TXNL1: variants seen among roughly 807,000 people sequenced by gnomAD.
TXNL1 encodes the protein thioredoxin like 1, also known as thioredoxin-like protein 1.
In TXNL1, 14 loss-of-function variants were observed where a neutral mutation model predicts 35.5. The ratio of observed to expected loss-of-function variants is 0.39; its 90% CI spans 0.26 to 0.62. The LOEUF (loss-of-function observed/expected upper bound fraction) is 0.62, where lower values mean the gene tolerates loss of function less well. Ranked by LOEUF, TXNL1 falls within the 20% of genes least tolerant of loss-of-function variation. The pLI is 0.47. For missense variants in TXNL1, 263 were observed against 349.7 expected (o/e 0.75, Z 1.98); for synonymous variants, 110 against 115.5 (o/e 0.95, Z 0.31).
intron 7 of TXNL1, among the ~76,000 whole-genome samples, chr18:56,605,519 T>C (rs1361238551): frequency 3.6e-5 from 3 of 84,408 alleles, no homozygotes; most frequent in Non-Finnish European, 1.1e-4. Context: ...GAAGCCCCTA[T>C]AATTTTCTCA....
chr18:56,620,809 G>A (rs2144311474), intron 3 of TXNL1, among the ~76,000 whole-genome samples: 1 of 152,206 alleles, frequency 6.6e-6, no homozygotes, highest in Admixed American at 6.5e-5. Context: ...ATATGAAAAT[G>A]GTAATAATCA....
At chr18:56,627,868 A>G (rs563913147) in intron 1 of TXNL1, among the ~76,000 whole-genome samples, 10 of 152,254 alleles carry the variant, frequency 6.6e-5, no homozygotes, top group African/African-American at 2.2e-4. Flanking sequence ...AAAAAAAAAA[A>G]AAGGTTTGAC....
chr18:56,635,752 A>G (rs996670351), intron 1 of TXNL1, among the ~76,000 whole-genome samples: 2 of 152,192 alleles, frequency 1.3e-5, no homozygotes, highest in Non-Finnish European at 2.9e-5. Context: ...GTGACTGTAT[A>G]GTCATGTCTG....
At position 56,601,601 on chromosome 18, in the gene TXNL1, T is replaced by C. The variant is rs1183211569; in HGVS notation, c.*1426A>G. 1 of 152,196 alleles carries C rather than the reference T, an allele frequency of 6.6e-6. No homozygotes were observed. The highest frequency in any genetic ancestry group is 6.5e-5 in the Admixed American group (1 of 15,284). 9.4% of individuals were successfully genotyped at this position (152,196 alleles called of 1,614,324 possible). On this transcript the variant is annotated 3_prime_UTR_variant, in exon 8 of 8. Transcript: ENST00000217515. ...TATACAAATGAACTAAACTATCTAA[T>C]GACACTTGGGTTTCAGAAAGGGACT...
intron 3 of TXNL1, among the ~76,000 whole-genome samples, chr18:56,624,052 A>G (rs184682318): frequency 9.8e-5 from 15 of 152,318 alleles, no homozygotes; most frequent in African/African-American, 3.6e-4. Flanking sequence ...AAAAAGTGGC[A>G]AAGAAAATTA....
At chr18:56,621,251 C>A (rs1475639701) in intron 3 of TXNL1, among the ~76,000 whole-genome samples, 1 of 146,576 alleles carries the variant, frequency 6.8e-6, no homozygotes, top group Non-Finnish European at 1.5e-5. Flanking sequence ...GTTGCCCAGG[C>A]TGGAGTTGCA....
chr18:56,616,435 AC>A, intron 4 of TXNL1, 121 bp from the exon 5 acceptor site: 1 of 806,988 alleles, frequency 1.2e-6, no homozygotes, highest in Non-Finnish European at 1.9e-6. Flanking sequence ...ATCGAACAAA[AC>A]CAACGTAATA....
intron 3 of TXNL1, among the ~76,000 whole-genome samples, chr18:56,621,281 ATGCAACCTCCGCCTCC>A (rs2024179117): frequency 1.3e-5 from 2 of 150,590 alleles, no homozygotes; most frequent in Non-Finnish European, 2.9e-5. Context: ...TCTTGGCTCA[ATGCAACCTCCGCCTCC>A]TGCAATTCTG....
At position 56,618,045 on chromosome 18, in the gene TXNL1, G is replaced by C. The variant is rs1341462092; in HGVS notation, c.451C>G (p.Arg151Gly). The change falls in exon 4 of 8, where the codon CGA (arginine) becomes GGA (glycine). Residue 151 changes from arginine to glycine, a missense_variant. Transcript: ENST00000217515. ...GATTCCAAGAAGGTTGTGTCTTTTC[G>C]TAAACAGTTGTCAAATCCATGCTCA... is the stretch of plus-strand genomic sequence containing the variant. ...SDEHGFDNCL[R>G]KDTTFLESDC... 1 of 1,613,640 alleles carries C rather than the reference G, an allele frequency of 6.2e-7. No homozygotes were observed. Among genetic ancestry groups the C allele is most frequent in the Non-Finnish European group, 8.5e-7 (1 of 1,179,876 alleles).
intron 7 of TXNL1, 92 bp from the exon 8 acceptor site, chr18:56,603,148 T>C: frequency 5.1e-6 from 6 of 1,175,880 alleles, no homozygotes; most frequent in Non-Finnish European, 7.3e-6. Flanking sequence ...AACCTTGGTA[T>C]TAATTTTTAT....
chr18:56,617,544 T>C (rs751285049), intron 4 of TXNL1, among the ~76,000 whole-genome samples: 8 of 152,094 alleles, frequency 5.3e-5, no homozygotes, highest in Non-Finnish European at 8.8e-5. Flanking sequence ...TTGATCAAGG[T>C]GGTAACACCC....
At chr18:56,626,117 A>T in intron 2 of TXNL1, 1 of 1,102,608 alleles carries the variant, frequency 9.1e-7, no homozygotes, top group Non-Finnish European at 1.1e-6. Flanking sequence ...GTGACCTATT[A>T]ACAACATCGT....
intron 1 of TXNL1, among the ~76,000 whole-genome samples, chr18:56,637,181 T>C (rs1354073692): frequency 6.6e-6 from 1 of 152,174 alleles, no homozygotes; most frequent in African/African-American, 2.4e-5. Context: ...CTGCATCCAT[T>C]CCCTAAAACG....
chr18:56,618,144 G>C lies in TXNL1; in HGVS notation c.370-18C>G. On this transcript the variant is annotated intron_variant, in intron 3 of 7. Coordinates refer to ENST00000217515, the MANE Select transcript of TXNL1 (RefSeq NM_004786.3). ...AAATCCATCTGAAAAAAAATTGCAA[G>C]ATTTTAGGCAACATATTTGGATTAG... 1 of 1,609,406 alleles carries C rather than the reference G, an allele frequency of 6.2e-7. No homozygotes were observed. The highest frequency in any genetic ancestry group is 1.1e-5 in the South Asian group (1 of 90,636).
intron 1 of TXNL1, among the ~76,000 whole-genome samples, chr18:56,636,456 G>C (rs2024456488): frequency 1.3e-5 from 2 of 152,040 alleles, no homozygotes; most frequent in South Asian, 4.1e-4. Flanking sequence ...CAATAAGTTC[G>C]AGGAATATTA....
At chr18:56,631,259 T>A (rs1168264550) in intron 1 of TXNL1, among the ~76,000 whole-genome samples, 1 of 152,200 alleles carries the variant, frequency 6.6e-6, no homozygotes, top group African/African-American at 2.4e-5. Context: ...GCTGAGATCA[T>A]GAACAAGTCA....
intron 3 of TXNL1, among the ~76,000 whole-genome samples, chr18:56,621,546 T>C (rs561811292): frequency 6.6e-6 from 1 of 152,314 alleles, no homozygotes; most frequent in South Asian, 2.1e-4. Flanking sequence ...ATAAAAACTG[T>C]CTGGGACAAA....
intron 6 of TXNL1, among the ~76,000 whole-genome samples, chr18:56,612,286 A>G (rs2024009458): frequency 6.6e-6 from 1 of 152,038 alleles, no homozygotes; most frequent in Non-Finnish European, 1.5e-5. Context: ...CTCTAAAGTG[A>G]TATTCTTTCT....
intron 1 of TXNL1, among the ~76,000 whole-genome samples, chr18:56,633,517 G>A (rs181303095): frequency 1.0e-3 from 157 of 150,888 alleles, no homozygotes; most frequent in African/African-American, 3.6e-3. Context: ...TACTGCTGGG[G>A]CTGAGTTGGG....
Sources: allele counts gnomAD v4.1 joint callset (sites outside exome capture counted in the v4.1 genomes callset), GRCh38; gene constraint gnomAD v4.1.1; transcripts MANE v1.5; gene names NCBI Gene and HGNC (gene_info 2026-07-23, HGNC 2026-07-21).